The following KALRN variants were observed in gnomAD, a reference collection of about 807,000 sequenced individuals.
The protein encoded by KALRN is kalirin.
KALRN carries 70 observed loss-of-function variants against 353.7 expected under a neutral mutation model. The ratio of observed to expected loss-of-function variants is 0.20; its 90% CI spans 0.16 to 0.24. The LOEUF is 0.24. KALRN is among the 10% of genes least tolerant of loss of function. The pLI, the probability that KALRN is intolerant of heterozygous loss-of-function variation, is 1.00. For missense variants in KALRN, 2,791 were observed against 3,756.7 expected, an observed-to-expected ratio of 0.74 and a Z score of 6.72; for synonymous variants, 1,391 against 1,434.8, an observed-to-expected ratio of 0.97 and a Z score of 0.69.
At chr3:124,218,473 G>A (rs2077561464) in intron 1 of KALRN, among the ~76,000 whole-genome samples, 1 of 152,126 alleles carries the variant, frequency 6.6e-6, no homozygotes, top group Admixed American at 6.5e-5. Context: ...AATAATCACT[G>A]ACAAGCTAAT....
At chr3:124,447,494 C>T (rs995270278) in intron 21 of KALRN, among the ~76,000 whole-genome samples, 5 of 152,132 alleles carry the variant, frequency 3.3e-5, no homozygotes, top group Non-Finnish European at 7.4e-5. Context: ...TTTTCACAGC[C>T]AGGATTTGAT....
intron 33 of KALRN, among the ~76,000 whole-genome samples, chr3:124,561,401 G>T (rs539992517): frequency 6.6e-6 from 1 of 152,290 alleles, no homozygotes; most frequent in East Asian, 1.9e-4. Context: ...GTAACTGGTG[G>T]TGATGCATAT....
At chr3:124,476,676 A>T (rs1313061518) in intron 26 of KALRN, among the ~76,000 whole-genome samples, 2 of 152,170 alleles carry the variant, frequency 1.3e-5, no homozygotes, top group Non-Finnish European at 2.9e-5. Flanking sequence ...CAATCTAGTT[A>T]GGAACCATTG....
chr3:124,244,201 T>A (rs897601280), intron 3 of KALRN, among the ~76,000 whole-genome samples: 1 of 152,186 alleles, frequency 6.6e-6, no homozygotes, highest in African/African-American at 2.4e-5. Flanking sequence ...CTAGAGATAA[T>A]AACAATATAT....
chr3:124,448,935 A>G (rs1364642980), intron 21 of KALRN, among the ~76,000 whole-genome samples: 1 of 152,200 alleles, frequency 6.6e-6, no homozygotes, highest in Non-Finnish European at 1.5e-5. Flanking sequence ...TATATTTAAT[A>G]TGAATCTTCT....
At chr3:124,304,315 CA>C (rs1174246987) in intron 6 of KALRN, among the ~76,000 whole-genome samples, 8 of 152,144 alleles carry the variant, frequency 5.3e-5, no homozygotes, top group African/African-American at 1.9e-4. Flanking sequence ...CAAAGAATCA[CA>C]TAGGGAGCTT....
intron 33 of KALRN, among the ~76,000 whole-genome samples, chr3:124,561,964 A>G (rs2072091252): frequency 6.6e-6 from 1 of 152,232 alleles, no homozygotes; most frequent in African/African-American, 2.4e-5. Flanking sequence ...TGAAAAAGTG[A>G]GAAGTCTCAG....
chr3:124,626,638 T>G (rs1353943526), intron 34 of KALRN, among the ~76,000 whole-genome samples: 1 of 152,232 alleles, frequency 6.6e-6, no homozygotes, highest in East Asian at 1.9e-4. Context: ...TTCTAAAGCT[T>G]CTTTGCTAAA....
chr3:124,035,434 C>T (rs2039328139), intron 1 of KALRN, among the ~76,000 whole-genome samples: 1 of 152,142 alleles, frequency 6.6e-6, no homozygotes, highest in African/African-American at 2.4e-5. Flanking sequence ...CCCCTTGCCT[C>T]CCAACTGGGG....
At chr3:124,359,398 T>C (rs572714940) in intron 10 of KALRN, among the ~76,000 whole-genome samples, 1 of 152,342 alleles carries the variant, frequency 6.6e-6, no homozygotes, top group Admixed American at 6.5e-5. Flanking sequence ...CCCTTTCCTT[T>C]TACCTTTTGC....
intron 1 of KALRN, among the ~76,000 whole-genome samples, chr3:124,216,959 G>C (rs1695913049): frequency 6.6e-6 from 1 of 152,134 alleles, no homozygotes; most frequent in Non-Finnish European, 1.5e-5. Flanking sequence ...CTCATCACCT[G>C]TCTTGTCCAA....
chr3:124,657,297 A>G (rs1047855163), intron 39 of KALRN, 151 bp from the exon 40 acceptor site: 13 of 612,106 alleles, frequency 2.1e-5, no homozygotes, highest in Non-Finnish European at 3.8e-5. Context: ...CCAGGGGTTA[A>G]AGACCTGGTT....
chr3:124,490,725 G>A lies in KALRN; in HGVS notation c.4428G>A (p.Glu1476=). ...ACGAGAACCTGGATGTGCAGGGGGA[G>A]TTGATTCTCCAGGATGCCTTTCAAG... The part of the protein sequence containing the change: ...GFDENLDVQG[E]LILQDAFQVW... The change falls in exon 30 of 60, where the codon GAG becomes GAA. Residue 1476 remains glutamate (E), a synonymous_variant. Coordinates refer to ENST00000682506, the MANE Select transcript of KALRN (RefSeq NM_001388419.1). The A allele has an allele frequency of 6.2e-7, 1 of 1,613,522 alleles. No homozygotes were observed. Among genetic ancestry groups the A allele is most frequent in the Non-Finnish European group, 8.5e-7 (1 of 1,179,820 alleles).
chr3:124,118,961 T>C (rs973944750), intron 1 of KALRN, among the ~76,000 whole-genome samples: 2 of 152,218 alleles, frequency 1.3e-5, no homozygotes, highest in African/African-American at 4.8e-5. Context: ...GACATTGAAC[T>C]CAGAGCTCTT....
At chr3:124,094,695 G>A (rs2061323326) in intron 1 of KALRN, 1 of 706,678 alleles carries the variant, frequency 1.4e-6, no homozygotes, top group Non-Finnish European at 2.6e-6. Flanking sequence ...GGGAGGACTG[G>A]TGGCTGTCTT....
At chr3:124,324,701 G>T (rs575032584) in intron 6 of KALRN, among the ~76,000 whole-genome samples, 1 of 152,260 alleles carries the variant, frequency 6.6e-6, no homozygotes, top group South Asian at 2.1e-4. Flanking sequence ...TACCAACCTG[G>T]CCCAGGTTTG....
At chr3:124,082,629 C>T (rs577726201) in intron 1 of KALRN, among the ~76,000 whole-genome samples, 265 of 152,228 alleles carry the variant, frequency 1.7e-3, no homozygotes, top group Non-Finnish European at 2.7e-3. Context: ...GTTAGGTGCT[C>T]GGTGCTTATG....
chr3:124,555,269 C>G (rs898277026), intron 33 of KALRN, among the ~76,000 whole-genome samples: 5 of 152,072 alleles, frequency 3.3e-5, no homozygotes, highest in African/African-American at 1.2e-4. Context: ...CAGTGGCTCA[C>G]GCCTGTAATC....
intron 5 of KALRN, among the ~76,000 whole-genome samples, chr3:124,275,008 A>G (rs570468401): frequency 2.0e-5 from 3 of 152,292 alleles, no homozygotes; most frequent in Non-Finnish European, 2.9e-5. Context: ...TCTTTAACTT[A>G]TCACCCCCAA....
Sources: allele counts gnomAD v4.1 joint callset (sites outside exome capture counted in the v4.1 genomes callset), GRCh38; gene constraint gnomAD v4.1.1; transcripts MANE v1.5; gene names NCBI Gene and HGNC (gene_info 2026-07-23, HGNC 2026-07-21).